ACCSL: variants seen among roughly 807,000 people sequenced by gnomAD.
ACCSL encodes the protein probable inactive 1-aminocyclopropane-1-carboxylate synthase-like protein 2.
A neutral mutation model predicts 61.7 loss-of-function variants in ACCSL; 55 were observed. The ratio of observed to expected loss-of-function variants is 0.89; its 90% CI spans 0.72 to 1.12. The LOEUF (loss-of-function observed/expected upper bound fraction) is 1.12. Among genes scored for constraint, ACCSL ranks in the 50% most tolerant of loss-of-function variants. ACCSL has a pLI of 0.00. For missense variants in ACCSL, 632 were observed against 698.0 expected (o/e 0.91, Z 1.07); for synonymous variants, 258 against 264.3 (o/e 0.98, Z 0.23).
chr11:43,963,517 C>T, the ACCSL span, among the ~76,000 whole-genome samples: 1 of 152,142 alleles, frequency 6.6e-6, no homozygotes, highest in Admixed American at 6.5e-5. Context: ...GATAACATGG[C>T]CCCAGAGGAT....
chr11:44,011,301 C>T, the ACCSL span, among the ~76,000 whole-genome samples: 1 of 152,170 alleles, frequency 6.6e-6, no homozygotes, highest in African/African-American at 2.4e-5. Context: ...CAGTACTTCT[C>T]CCCAGCACTC....
At position 44,048,135 on chromosome 11, in the gene ACCSL, G is replaced by A. The variant is rs1281277563; in HGVS notation, c.99G>A (p.Thr33=). Residue 33 remains threonine (T), a synonymous_variant, in exon 1 of 14, where the codon ACG becomes ACA. Coordinates refer to ENST00000378832, the MANE Select transcript of ACCSL (RefSeq NM_001031854.2). Reference sequence around the variant, plus strand: ...TCTATACCCAGCTGTTGGAGATAACGCTGCACTTGCAGCAGGCCATGACGG... The same window carrying A: ...TCTATACCCAGCTGTTGGAGATAACACTGCACTTGCAGCAGGCCATGACGG... ...HSIYTQLLEI[T]LHLQQAMTEH... is the part of the protein sequence containing the mutation. 10 of 1,614,184 alleles carry A rather than the reference G, an allele frequency of 6.2e-6. No individual in the cohort carries two copies. Among genetic ancestry groups the A allele is most frequent in the Non-Finnish European group, 5.9e-6 (7 of 1,180,036 alleles).
the ACCSL span, among the ~76,000 whole-genome samples, chr11:44,012,550 G>A: frequency 3.9e-5 from 6 of 152,254 alleles, no homozygotes; most frequent in South Asian, 2.1e-4. Context: ...GCCACCCAAC[G>A]TGCTGGGATT....
At chr11:44,005,122 G>A in the ACCSL span, among the ~76,000 whole-genome samples, 1 of 111,874 alleles carries the variant, frequency 8.9e-6, no homozygotes, top group South Asian at 3.3e-4. Flanking sequence ...CCCCCACCCT[G>A]CCATTGTACA....
At chr11:44,033,107 G>A in the ACCSL span, among the ~76,000 whole-genome samples, 2 of 152,222 alleles carry the variant, frequency 1.3e-5, no homozygotes, top group African/African-American at 4.8e-5. Flanking sequence ...TGGACGAACA[G>A]TCGGGTTTGG....
chr11:44,005,737 A>T, the ACCSL span, among the ~76,000 whole-genome samples: 1 of 152,272 alleles, frequency 6.6e-6, no homozygotes, highest in South Asian at 2.1e-4. Context: ...CCCCCAGGTA[A>T]AGCTGTGCAG....
the ACCSL span, among the ~76,000 whole-genome samples, chr11:44,006,949 C>T: frequency 1.7e-3 from 265 of 152,318 alleles, 2 homozygotes; most frequent in East Asian, 9.3e-3. Flanking sequence ...AACCTCTCCC[C>T]ACTGGCCCTT....
At chr11:43,954,379 G>A in the ACCSL span, among the ~76,000 whole-genome samples, 2 of 152,232 alleles carry the variant, frequency 1.3e-5, no homozygotes, top group East Asian at 3.9e-4. Context: ...TCCCAAGCGG[G>A]TTTTCTGGTC....
At chr11:43,957,825 G>C in the ACCSL span, among the ~76,000 whole-genome samples, 20 of 152,328 alleles carry the variant, frequency 1.3e-4, no homozygotes, top group African/African-American at 4.8e-4. Context: ...GGTGTAACAA[G>C]GCATGTGTGA....
the ACCSL span, among the ~76,000 whole-genome samples, chr11:44,001,573 C>G: frequency 1.1e-4 from 17 of 151,988 alleles, no homozygotes; most frequent in African/African-American, 4.1e-4. Context: ...AGAGTCTGGC[C>G]TCGGCGTGTC....
chr11:44,045,063 CAT>C (rs1157223845), upstream of ACCSL, among the ~76,000 whole-genome samples: 2 of 152,174 alleles, frequency 1.3e-5, no homozygotes, highest in African/African-American at 4.8e-5. Context: ...AGACTTTTCC[CAT>C]AGAAAGATGA....
the ACCSL span, among the ~76,000 whole-genome samples, chr11:43,952,085 A>G: frequency 1.4e-5 from 2 of 139,072 alleles, no homozygotes; most frequent in African/African-American, 2.7e-5. Context: ...TCCAACTTTT[A>G]TTTTAGGTTG....
chr11:43,970,193 T>A, the ACCSL span, among the ~76,000 whole-genome samples: 2 of 152,072 alleles, frequency 1.3e-5, no homozygotes, highest in Non-Finnish European at 2.9e-5. Context: ...GCTCGAGTGA[T>A]CCTCATTGTA....
chr11:44,052,450 C>T (rs971445091), intron 5 of ACCSL, among the ~76,000 whole-genome samples: 6 of 152,184 alleles, frequency 3.9e-5, no homozygotes, highest in Non-Finnish European at 8.8e-5. Flanking sequence ...AGTGTACCCG[C>T]AAAGAAGAAA....
chr11:43,947,307 C>G, the ACCSL span: 13 of 152,510 alleles, frequency 8.5e-5, no homozygotes, highest in African/African-American at 3.1e-4. Flanking sequence ...CTGACCAGGC[C>G]CCGCCTCCAA....
intron 13 of ACCSL, among the ~76,000 whole-genome samples, chr11:44,059,230 A>C (rs1952691732): frequency 6.6e-6 from 1 of 152,204 alleles, no homozygotes; most frequent in Non-Finnish European, 1.5e-5. Flanking sequence ...CGACAGAGTG[A>C]GACTGTTTCA....
the ACCSL span, among the ~76,000 whole-genome samples, chr11:43,969,159 G>A: frequency 1.3e-5 from 2 of 152,000 alleles, no homozygotes; most frequent in Non-Finnish European, 2.9e-5. Flanking sequence ...GCCCAGCCTG[G>A]GCAACATGGC....
chr11:43,925,729 G>T, the ACCSL span, among the ~76,000 whole-genome samples: 2 of 152,146 alleles, frequency 1.3e-5, no homozygotes, highest in Non-Finnish European at 2.9e-5. Context: ...CTAGGCTTCA[G>T]TCAGGTGGAC....
At chr11:43,987,744 G>A in the ACCSL span, among the ~76,000 whole-genome samples, 21,095 of 152,116 alleles carry the variant, frequency 0.14, 1,565 homozygotes, top group Non-Finnish European at 0.17. Flanking sequence ...AGACCTGGCC[G>A]ACTTCCCAAC....
Sources: gnomAD v4.1 joint callset for allele counts (sites outside exome capture counted in the v4.1 genomes callset) on GRCh38, gnomAD v4.1.1 for gene constraint, MANE v1.5 for transcripts, NCBI Gene and HGNC (gene_info 2026-07-23, HGNC 2026-07-21) for gene names.